XKR6: variants seen among roughly 807,000 people sequenced by gnomAD.
XKR6 encodes the protein XK related 6, also known as XK-related protein 6.
Under a neutral mutation model 56.7 loss-of-function variants are expected in XKR6, and 22 were observed. That is an observed-to-expected ratio of 0.39 (90% CI 0.28 to 0.55). The LOEUF (loss-of-function observed/expected upper bound fraction) is 0.55, where lower values mean the gene tolerates loss of function less well. Ranked by LOEUF, XKR6 falls within the 20% of genes least tolerant of loss-of-function variation. The probability of loss-of-function intolerance (pLI) is 0.66; values close to 1 mark genes in which losing one functional copy is unlikely to be tolerated. For missense variants in XKR6, 852 were observed against 889.0 expected, an observed-to-expected ratio of 0.96 and a Z score of 0.53; for synonymous variants, 524 against 387.8, an observed-to-expected ratio of 1.35 and a Z score of -4.13.
intron 1 of XKR6, among the ~76,000 whole-genome samples, chr8:11,116,114 T>A (rs1799160441): frequency 6.6e-6 from 1 of 152,224 alleles, no homozygotes; most frequent in South Asian, 2.1e-4. Flanking sequence ...AGTTTTAGAT[T>A]TTGCTGCATT....
intron 1 of XKR6, among the ~76,000 whole-genome samples, chr8:10,931,606 T>C (rs1245124670): frequency 1.3e-5 from 2 of 152,178 alleles, no homozygotes; most frequent in Non-Finnish European, 2.9e-5. Flanking sequence ...CATATAATTA[T>C]GGCCAATTGG....
chr8:11,006,044 A>G (rs1167472435), intron 1 of XKR6, among the ~76,000 whole-genome samples: 1 of 152,046 alleles, frequency 6.6e-6, no homozygotes, highest in African/African-American at 2.4e-5. Flanking sequence ...GGGTTTCACC[A>G]TGGTGGCCAG....
At chr8:11,085,611 T>C (rs1797860325) in intron 1 of XKR6, among the ~76,000 whole-genome samples, 1 of 152,142 alleles carries the variant, frequency 6.6e-6, no homozygotes, top group Non-Finnish European at 1.5e-5. Context: ...CGGGAGATTA[T>C]TCACTGGGGT....
At chr8:11,021,704 TC>T (rs766844564) in intron 1 of XKR6, among the ~76,000 whole-genome samples, 2 of 152,092 alleles carry the variant, frequency 1.3e-5, no homozygotes, top group African/African-American at 2.4e-5. Context: ...TCTTGGTGCT[TC>T]TTTTCATCCA....
chr8:11,130,908 G>C (rs776130971), intron 1 of XKR6, among the ~76,000 whole-genome samples: 2 of 152,084 alleles, frequency 1.3e-5, no homozygotes, highest in Non-Finnish European at 2.9e-5. Context: ...AGCAGCAAAT[G>C]TGTCCCCAAA....
intron 1 of XKR6, among the ~76,000 whole-genome samples, chr8:11,057,738 C>A (rs1799722543): frequency 6.6e-6 from 1 of 152,170 alleles, no homozygotes; most frequent in African/African-American, 2.4e-5. Context: ...ACCTGTCAAA[C>A]CTCACCTCCT....
intron 1 of XKR6, among the ~76,000 whole-genome samples, chr8:11,160,675 C>G (rs146632934): frequency 6.6e-6 from 1 of 152,076 alleles, no homozygotes; most frequent in African/African-American, 2.4e-5. Flanking sequence ...TTTGCAAGGC[C>G]AAGGCGGGTG....
intron 2 of XKR6, among the ~76,000 whole-genome samples, chr8:10,917,499 T>G (rs1362950144): frequency 6.6e-6 from 1 of 152,256 alleles, no homozygotes; most frequent in Non-Finnish European, 1.5e-5. Flanking sequence ...GTGTGTCCCT[T>G]GAGCAGGAAT....
At chr8:11,155,430 C>A (rs147853673) in intron 1 of XKR6, among the ~76,000 whole-genome samples, 6 of 152,166 alleles carry the variant, frequency 3.9e-5, no homozygotes, top group African/African-American at 1.2e-4. Context: ...AACAAGGGAC[C>A]CCTCTCAAGA....
At chr8:11,092,582 T>G (rs1473027653) in intron 1 of XKR6, among the ~76,000 whole-genome samples, 1 of 152,126 alleles carries the variant, frequency 6.6e-6, no homozygotes, top group Non-Finnish European at 1.5e-5. Flanking sequence ...AAAGAGAAAC[T>G]GCTGATCTCA....
intron 1 of XKR6, among the ~76,000 whole-genome samples, chr8:11,167,903 A>C (rs1249360736): frequency 6.9e-6 from 1 of 145,476 alleles, no homozygotes; most frequent in Non-Finnish European, 1.5e-5. Flanking sequence ...AAAAAAAAAA[A>C]AAAAAAAAAC....
intron 1 of XKR6, among the ~76,000 whole-genome samples, chr8:11,160,599 T>C (rs920621171): frequency 6.6e-6 from 1 of 152,058 alleles, no homozygotes; most frequent in Non-Finnish European, 1.5e-5. Context: ...AATCTACCAA[T>C]GTAATGATGC....
chr8:11,132,372 TC>T (rs1166268804), intron 1 of XKR6, among the ~76,000 whole-genome samples: 2 of 151,930 alleles, frequency 1.3e-5, no homozygotes, highest in East Asian at 1.9e-4. Flanking sequence ...TCTTTTTTTT[TC>T]CCCCAGACGG....
At chr8:10,914,302 C>T (rs879570355) in intron 2 of XKR6, among the ~76,000 whole-genome samples, 12 of 152,064 alleles carry the variant, frequency 7.9e-5, no homozygotes, top group Non-Finnish European at 1.0e-4. Context: ...TGAGTATATA[C>T]AGTATATACT....
At chr8:10,916,094 A>C (rs540153287) in intron 2 of XKR6, among the ~76,000 whole-genome samples, 1 of 152,290 alleles carries the variant, frequency 6.6e-6, no homozygotes, top group East Asian at 1.9e-4. Context: ...AGCCATGGAG[A>C]AGGAGGGGCT....
chr8:10,950,366 G>A (rs994630939), intron 1 of XKR6, among the ~76,000 whole-genome samples: 2 of 152,208 alleles, frequency 1.3e-5, no homozygotes, highest in African/African-American at 4.8e-5. Context: ...TGTAGACACT[G>A]CTAGAAGCAG....
intron 1 of XKR6, among the ~76,000 whole-genome samples, chr8:10,979,709 G>A (rs914432004): frequency 6.6e-6 from 1 of 152,302 alleles, no homozygotes; most frequent in Middle Eastern, 3.4e-3. Context: ...ACGGACAATG[G>A]CCACAGCAGC....
In XKR6 at chr8:10,954,866, C is replaced by CCTTTTTTTTTTTTTTTTTTTTTTTTT. The variant is rs1554515116; in HGVS notation, c.765-30037_765-30036insAAAAAAAAAAAAAAAAAAAAAAAAAG. Among the ~76,000 whole-genome samples the CCTTTTTTTTTTTTTTTTTTTTTTTTT allele has an allele frequency of 2.2e-5, 2 of 92,802 alleles. 1 individual carries two copies. The highest frequency in any genetic ancestry group is 8.6e-5 in the African/African-American group (2 of 23,264). The allele number at this position is 92,802 out of a possible 152,430, so 60.9% of individuals were successfully genotyped here. ...TAAGGTAAGGGTCTAACTTCATTCT[C>CCTTTTTTTTTTTTTTTTTTTTTTTTT]TTTTTTTTTTTTTTTTTTTTAGACA... is the stretch of plus-strand genomic sequence containing the variant. On this transcript the variant is annotated intron_variant, in intron 1 of 2. Transcript: ENST00000416569.
rs548665332 is a variant in XKR6, at chr8:10,993,687, C to A, written c.765-68857G>T. ...TCCTAGCTCACCCGACACTGGGAGC[C>A]CCTTTGTCTTCCAGCAACATGCCCC... On this transcript the variant is annotated intron_variant, in intron 1 of 2. Coordinates refer to ENST00000416569, the MANE Select transcript of XKR6 (RefSeq NM_173683.4). Among the ~76,000 whole-genome samples the A allele has an allele frequency of 3.2e-4, 49 of 152,292 alleles. No individual in the cohort carries two copies. The South Asian group carries it at 9.8e-3, about 30-fold the overall frequency.
Sources: gnomAD v4.1 joint callset for allele counts (sites outside exome capture counted in the v4.1 genomes callset) on GRCh38, gnomAD v4.1.1 for gene constraint, MANE v1.5 for transcripts, NCBI Gene and HGNC (gene_info 2026-07-23, HGNC 2026-07-21) for gene names.